FBXO7: variants seen among roughly 807,000 people sequenced by gnomAD.
FBXO7 encodes F-box protein 7, also known as F-box only protein 7.
A neutral mutation model predicts 50.2 loss-of-function variants in FBXO7; 31 were observed. The observed-to-expected ratio is 0.62, with a 90% CI of 0.46 to 0.83. FBXO7 has a LOEUF of 0.83. Ranked by LOEUF, FBXO7 falls within the 40% of genes least tolerant of loss-of-function variation. The pLI is 0.00. For synonymous variants in FBXO7, 256 were observed against 253.1 expected, an observed-to-expected ratio of 1.01 and a Z score of -0.11; for missense variants, 667 against 646.6, an observed-to-expected ratio of 1.03 and a Z score of -0.34.
At chr22:32,487,653 T>C in intron 4 of FBXO7, 92 bp from the exon 5 acceptor site, 2 of 778,660 alleles carry the variant, frequency 2.6e-6, no homozygotes, top group Non-Finnish European at 4.5e-6. Context: ...CTTAGTATAT[T>C]AGGAGCTAGG....
chr22:32,476,910 A>T (rs1279262887), intron 1 of FBXO7, among the ~76,000 whole-genome samples: 4 of 152,170 alleles, frequency 2.6e-5, no homozygotes, highest in African/African-American at 9.7e-5. Context: ...CTAAAGTGGG[A>T]GGAAGAGCTG....
chr22:32,476,233 CAT>C (rs1394221618), intron 1 of FBXO7, among the ~76,000 whole-genome samples: 1 of 151,830 alleles, frequency 6.6e-6, no homozygotes, highest in Non-Finnish European at 1.5e-5. Context: ...AAGATACTGA[CAT>C]AACTCCTTTT....
chr22:32,477,406 A>G (rs1568971302), intron 1 of FBXO7, among the ~76,000 whole-genome samples: 2 of 152,230 alleles, frequency 1.3e-5, no homozygotes, highest in Non-Finnish European at 2.9e-5. Flanking sequence ...AAAATGTTTT[A>G]TAATGTTTTG....
intron 5 of FBXO7, chr22:32,489,539 C>T (rs183611958): frequency 1.3e-5 from 2 of 152,252 alleles, no homozygotes; most frequent in East Asian, 3.9e-4. Flanking sequence ...AGAGGAGGCT[C>T]ACTTACTTAA....
At chr22:32,484,159 A>C in intron 3 of FBXO7, 35 bp downstream of exon 3, 4 of 1,557,802 alleles carry the variant, frequency 2.6e-6, no homozygotes, top group Non-Finnish European at 3.5e-6. Context: ...ACATCTTATG[A>C]TTGCTCATAC....
At chr22:32,497,972 T>C (rs1455214853) in intron 8 of FBXO7, among the ~76,000 whole-genome samples, 172 bp from the exon 9 acceptor site, 5 of 152,228 alleles carry the variant, frequency 3.3e-5, no homozygotes, top group South Asian at 2.1e-4. Flanking sequence ...TTATATACAC[T>C]GGGAAACCAA....
chr22:32,480,858 G>A (rs1167490620), intron 2 of FBXO7, among the ~76,000 whole-genome samples: 3 of 152,030 alleles, frequency 2.0e-5, no homozygotes, highest in Non-Finnish European at 4.4e-5. Flanking sequence ...TAGAGATGGG[G>A]TTTCACCATG....
intron 6 of FBXO7, chr22:32,492,697 GCA>G (rs1433912478): frequency 8.2e-6 from 2 of 244,666 alleles, no homozygotes; most frequent in African/African-American, 2.3e-5. Flanking sequence ...TTGTCCAAAG[GCA>G]CACAGTTAAT....
At chr22:32,492,114 T>C (rs2057541658) in intron 6 of FBXO7, 1 of 152,178 alleles carries the variant, frequency 6.6e-6, no homozygotes, top group Non-Finnish European at 1.5e-5. Context: ...TGGGGAAGTA[T>C]AATTATGCGT....
intron 2 of FBXO7, among the ~76,000 whole-genome samples, chr22:32,480,082 T>G (rs546883196): frequency 1.7e-4 from 26 of 152,320 alleles, no homozygotes; most frequent in Non-Finnish European, 2.9e-4. Context: ...ATTAATAAGC[T>G]TTGTCAGTTC....
intron 1 of FBXO7, among the ~76,000 whole-genome samples, chr22:32,476,627 C>A (rs950023260): frequency 1.3e-5 from 2 of 152,122 alleles, no homozygotes; most frequent in Non-Finnish European, 2.9e-5. Flanking sequence ...TTAAAAATAT[C>A]TTTACTGAGC....
intron 5 of FBXO7, chr22:32,490,222 GGT>G (rs1231378718): frequency 6.6e-6 from 1 of 152,206 alleles, no homozygotes; most frequent in Non-Finnish European, 1.5e-5. Flanking sequence ...ACGCTTATCT[GGT>G]GTAGTGGTGG....
intron 8 of FBXO7, among the ~76,000 whole-genome samples, chr22:32,497,734 T>A (rs979029331): frequency 6.6e-6 from 1 of 152,226 alleles, no homozygotes; most frequent in Admixed American, 6.5e-5. Flanking sequence ...CAAACTTCAC[T>A]GTTGTATTAT....
chr22:32,478,813 G>C (rs2057444652), intron 1 of FBXO7, among the ~76,000 whole-genome samples, 168 bp from the exon 2 acceptor site: 1 of 152,162 alleles, frequency 6.6e-6, no homozygotes, highest in Non-Finnish European at 1.5e-5. Context: ...CAGGAGGATT[G>C]CTTGAGGCCA....
rs759844539 is a variant in FBXO7, at chr22:32,495,447, C to T, written c.1145-46C>T. 72 of 1,327,218 alleles carry T rather than the reference C, an allele frequency of 5.4e-5. No individual in the cohort carries two copies. In the Middle Eastern group the frequency reaches 7.2e-4, roughly 13 times the overall value. The allele number at this position is 1,327,218 out of a possible 1,614,324, so 82.2% of individuals were successfully genotyped here. On this transcript the variant is annotated intron_variant, in intron 7 of 8. Coordinates refer to ENST00000266087, the MANE Select transcript of FBXO7 (RefSeq NM_012179.4). ...ACAAAACCCACTGTTTAATGCAGGA[C>T]GAATGAAATGTTTTTAAATCCTTAT...
intron 6 of FBXO7, chr22:32,492,886 A>G: frequency 1.7e-6 from 1 of 586,728 alleles, no homozygotes; most frequent in Non-Finnish European, 3.0e-6. Flanking sequence ...CTAAAACATA[A>G]AGGGAATAAG....
chr22:32,493,316 C>G (rs1419084464), intron 7 of FBXO7, 35 bp downstream of exon 7: 15 of 1,573,966 alleles, frequency 9.5e-6, no homozygotes, highest in Non-Finnish European at 1.3e-5. Flanking sequence ...CAAGAAAGGG[C>G]TCTTATTGTC....
chr22:32,496,492 CAAAA>C (rs769238475), intron 8 of FBXO7, among the ~76,000 whole-genome samples: 19 of 151,776 alleles, frequency 1.3e-4, no homozygotes, highest in Admixed American at 2.6e-4. Flanking sequence ...AAAAAACAAA[CAAAA>C]AAACAACAAA....
chr22:32,496,663 C>T (rs2057577154), intron 8 of FBXO7, among the ~76,000 whole-genome samples: 1 of 152,218 alleles, frequency 6.6e-6, no homozygotes, highest in South Asian at 2.1e-4. Flanking sequence ...TACTACTGCT[C>T]ATTGACAATG....
Sources: allele counts gnomAD v4.1 joint callset (sites outside exome capture counted in the v4.1 genomes callset), GRCh38; gene constraint gnomAD v4.1.1; transcripts MANE v1.5; gene names NCBI Gene and HGNC (gene_info 2026-07-23, HGNC 2026-07-21).